The following NOC3L variants were observed in gnomAD, a reference collection of about 807,000 sequenced individuals.
NOC3L encodes the protein nucleolar complex protein 3 homolog.
NOC3L carries 85 observed loss-of-function variants against 102.5 expected under a neutral mutation model. That is an observed-to-expected ratio of 0.83 (90% CI 0.70 to 0.99). NOC3L has a LOEUF of 0.99. Ranked by LOEUF, NOC3L falls within the 50% of genes least tolerant of loss-of-function variation. The pLI is 0.00. For synonymous variants in NOC3L, 303 were observed against 309.4 expected (o/e 0.98, Z 0.22); for missense variants, 878 against 914.9 (o/e 0.96, Z 0.52).
intron 10 of NOC3L, among the ~76,000 whole-genome samples, chr10:94,348,335 A>G (rs1037311534): frequency 5.1e-4 from 78 of 151,876 alleles, no homozygotes; most frequent in Middle Eastern, 3.4e-3. Flanking sequence ...ATAGCTTCAT[A>G]TATAAGGCTG....
At chr10:94,321,719 C>T in the NOC3L span, among the ~76,000 whole-genome samples, 1 of 151,868 alleles carries the variant, frequency 6.6e-6, no homozygotes, top group Admixed American at 6.6e-5. Flanking sequence ...CAGTAGTTTC[C>T]TCCTCTCAGG....
the NOC3L span, among the ~76,000 whole-genome samples, chr10:94,318,424 G>GATT: frequency 6.6e-6 from 1 of 152,208 alleles, no homozygotes; most frequent in Non-Finnish European, 1.5e-5. Flanking sequence ...ACTTGTGTAT[G>GATT]ATTTACAGCG....
At chr10:94,351,118 A>C (rs2134002459) in intron 8 of NOC3L, among the ~76,000 whole-genome samples, 1 of 152,248 alleles carries the variant, frequency 6.6e-6, no homozygotes, top group Non-Finnish European at 1.5e-5. Flanking sequence ...GAGCTTTCCA[A>C]ACAGTTCAGA....
At chr10:94,356,048 T>C (rs1448608497) in intron 5 of NOC3L, among the ~76,000 whole-genome samples, 2 of 152,358 alleles carry the variant, frequency 1.3e-5, no homozygotes, top group Non-Finnish European at 1.5e-5. Context: ...TCCAAACTAA[T>C]ATAATTTCAA....
chr10:94,346,070 A>G (rs1472613941), intron 11 of NOC3L, among the ~76,000 whole-genome samples: 1 of 152,242 alleles, frequency 6.6e-6, no homozygotes, highest in Non-Finnish European at 1.5e-5. Flanking sequence ...CAAAGAAACA[A>G]GATTCAATTA....
At chr10:94,346,996 C>G (rs190201068) in intron 10 of NOC3L, among the ~76,000 whole-genome samples, 32 of 152,190 alleles carry the variant, frequency 2.1e-4, no homozygotes, top group Non-Finnish European at 1.3e-4. Context: ...TGATGCTGGT[C>G]TGGGGACAAA....
chr10:94,354,865 C>T (rs2054464373), intron 6 of NOC3L, 98 bp downstream of exon 6: 1 of 1,206,318 alleles, frequency 8.3e-7, no homozygotes, highest in South Asian at 1.6e-5. Context: ...TAATGCTTTT[C>T]CTTTTAGTGT....
At chr10:94,347,791 T>C (rs1266807259) in intron 10 of NOC3L, among the ~76,000 whole-genome samples, 1 of 152,062 alleles carries the variant, frequency 6.6e-6, no homozygotes, top group Non-Finnish European at 1.5e-5. Flanking sequence ...TATTCTTGAA[T>C]AGAAAAAAAT....
chr10:94,316,513 C>G, the NOC3L span: 1 of 1,421,180 alleles, frequency 7.0e-7, no homozygotes, highest in Non-Finnish European at 9.9e-7. Context: ...AAGTTTTTGC[C>G]TCACTCCTCA....
At position 94,338,695 on chromosome 10, in the gene NOC3L, C is replaced by G; in HGVS notation, c.2004G>C (p.Gln668His). 1 of 1,613,434 alleles carries G rather than the reference C, an allele frequency of 6.2e-7. No individual in the cohort carries two copies. Among genetic ancestry groups the G allele is most frequent in the South Asian group, 1.1e-5 (1 of 90,964 alleles). Residue 668 changes from glutamine (Q) to histidine (H), a missense_variant, in exon 18 of 21, where the codon CAG becomes CAC. Physicochemically the swap from Gln to His is conservative, Grantham distance 24. Transcript: ENST00000371361. ...GTTCAGGAAGGAAAACTCCACTTCCCTGAGATTCACTGTCAAGCAGTAGAT... is the reference window on the plus strand; with the variant it reads ...GTTCAGGAAGGAAAACTCCACTTCCGTGAGATTCACTGTCAAGCAGTAGAT... Reference protein sequence around the residue: ...KTDLLLDSESQGSGVFLPELD... With the variant: ...KTDLLLDSESHGSGVFLPELD...
chr10:94,316,776 G>A, the NOC3L span: 252 of 1,546,708 alleles, frequency 1.6e-4, no homozygotes, highest in East Asian at 5.0e-3. Context: ...TCTGGGTGCA[G>A]CCTACACAGT....
At position 94,352,319 on chromosome 10, in the gene NOC3L, T is replaced by TAACCC; in HGVS notation, c.942_943insGGGTT (p.Met315GlyfsTer12). On this transcript the variant is annotated frameshift_variant, in exon 8 of 21. Transcript: ENST00000371361. LOFTEE classifies it high-confidence loss of function. ...GATATGTTTAATATACCTTTAACCA[T>TAACCC]TTGTTCCAGATTTTCCAAATAAAAC... 1 of 1,602,814 alleles carries TAACCC rather than the reference T, an allele frequency of 6.2e-7. No individual in the cohort carries two copies. Among genetic ancestry groups the TAACCC allele is most frequent in the Non-Finnish European group, 8.5e-7 (1 of 1,170,526 alleles).
chr10:94,344,446 G>A lies in NOC3L; in HGVS notation c.1540C>T (p.Leu514Phe), dbSNP rs766442087. ...AGACCTTCTAGAACTGCTGGCAGGA[G>A]AGGTGACCTCTGGGCCTTCTTCAAT... ...RILKKAQRSP[L>F]LPAVLEGLAK... The change falls in exon 13 of 21, where the codon CTC becomes TTC. Residue 514 changes from leucine to phenylalanine, a missense_variant. Leu to Phe is a conservative substitution (Grantham distance 22). Coordinates refer to ENST00000371361, the MANE Select transcript of NOC3L (RefSeq NM_022451.11). The A allele has an allele frequency of 2.5e-6, 4 of 1,613,504 alleles. No individual in the cohort carries two copies. The highest frequency in any genetic ancestry group is 2.2e-5 in the South Asian group (2 of 91,026).
intron 2 of NOC3L, among the ~76,000 whole-genome samples, chr10:94,359,120 A>G (rs2054522823): frequency 6.6e-6 from 1 of 152,128 alleles, no homozygotes; most frequent in African/African-American, 2.4e-5. Context: ...ATTCTTCCTG[A>G]CCCATTAAAA....
At chr10:94,316,387 T>C in the NOC3L span, among the ~76,000 whole-genome samples, 54 of 152,320 alleles carry the variant, frequency 3.5e-4, no homozygotes, top group East Asian at 0.01. Flanking sequence ...CAATCCATTC[T>C]GAACATAAGA....
chr10:94,326,953 G>A, the NOC3L span, among the ~76,000 whole-genome samples: 24 of 152,076 alleles, frequency 1.6e-4, no homozygotes, highest in African/African-American at 5.6e-4. Flanking sequence ...GAGGTCAAGA[G>A]ATTGAGACCA....
chr10:94,344,414 C>T lies in NOC3L; in HGVS notation c.1571+1G>A, dbSNP rs762155875. The T allele has an allele frequency of 1.2e-6, 2 of 1,606,326 alleles. No homozygotes were observed. Among genetic ancestry groups the T allele is most frequent in the Non-Finnish European group, 1.7e-6 (2 of 1,173,856 alleles). On this transcript the variant is annotated splice_donor_variant, in intron 13 of 20. Transcript: ENST00000371361. LOFTEE classifies it high-confidence loss of function. ...AAGATTTCAACCTACACAGCCCTTA[C>T]TTGGCAAGACCTTCTAGAACTGCTG...
At chr10:94,352,551 G>GCCACCACGCC in intron 7 of NOC3L, 148 bp from the exon 8 acceptor site, 1 of 620,674 alleles carries the variant, frequency 1.6e-6, no homozygotes, top group Non-Finnish European at 2.8e-6. Context: ...GCCAGGCGTG[G>GCCACCACGCC]TGGCTCATGC....
At chr10:94,314,986 A>G in the NOC3L span, 1 of 155,420 alleles carries the variant, frequency 6.4e-6, no homozygotes, top group Non-Finnish European at 1.4e-5. Flanking sequence ...AGTTTTGTAA[A>G]GGAAAACTTA....
Sources: allele counts gnomAD v4.1 joint callset (sites outside exome capture counted in the v4.1 genomes callset), GRCh38; gene constraint gnomAD v4.1.1; transcripts MANE v1.5; gene names NCBI Gene and HGNC (gene_info 2026-07-23, HGNC 2026-07-21).